The following BRD4 variants were observed in gnomAD, a reference collection of about 807,000 sequenced individuals.
BRD4 encodes bromodomain containing 4, also known as bromodomain-containing protein 4.
In BRD4, 16 loss-of-function variants were observed where a neutral mutation model predicts 142.1. The ratio of observed to expected loss-of-function variants is 0.11; its 90% confidence interval spans 0.08 to 0.17. The LOEUF (loss-of-function observed/expected upper bound fraction) is 0.17, where lower values mean the gene tolerates loss of function less well. Among genes scored for constraint, BRD4 ranks in the 10% least tolerant of loss-of-function variants. The probability of loss-of-function intolerance (pLI) is 1.00; values close to 1 mark genes in which losing one functional copy is unlikely to be tolerated. For missense variants in BRD4, 1,424 were observed against 1,810.9 expected, an observed-to-expected ratio of 0.79 and a Z score of 3.88; for synonymous variants, 833 against 707.5, an observed-to-expected ratio of 1.18 and a Z score of -2.82.
chr19:15,241,013 C>T (rs923127408), intron 14 of BRD4, among the ~76,000 whole-genome samples: 1 of 152,208 alleles, frequency 6.6e-6, no homozygotes, highest in African/African-American at 2.4e-5. Flanking sequence ...TGGAGCAAAC[C>T]ACAATGCCCC....
chr19:15,244,467 G>T lies in BRD4; in HGVS notation c.2345C>A (p.Pro782Gln), dbSNP rs200757175. 3 of 1,545,710 alleles carry T rather than the reference G, an allele frequency of 1.9e-6. No individual in the cohort carries two copies. Among genetic ancestry groups the T allele is most frequent in the South Asian group, 2.3e-5 (2 of 85,160 alleles). The change falls in exon 13 of 20, where the codon CCA becomes CAA. Residue 782 changes from proline to glutamine, a missense_variant. Transcript: ENST00000679869. ...GGCTGCCTGCTGCGGCATGGAGGGT[G>T]GGGGAGGCGGGGGTGGCGGCTGCTG... ...QQQQPPPPPP[P>Q]PSMPQQAAPA... is the part of the protein sequence containing the mutation.
At chr19:15,276,317 T>G (rs760900526) in intron 1 of BRD4, among the ~76,000 whole-genome samples, 1 of 152,196 alleles carries the variant, frequency 6.6e-6, no homozygotes, top group African/African-American at 2.4e-5. Flanking sequence ...AGGCCCAGAT[T>G]TGATATGAGG....
intron 1 of BRD4, among the ~76,000 whole-genome samples, chr19:15,307,252 G>A (rs1031213661): frequency 1.3e-5 from 2 of 152,158 alleles, no homozygotes; most frequent in African/African-American, 2.4e-5. Flanking sequence ...AAGTAAGAGC[G>A]CTGCAGGGTG....
Position 15,256,154 on chromosome 19 carries a change from T to C in BRD4, c.1661A>G (p.Lys554Arg). Residue 554 changes from lysine (K) to arginine (R), a missense_variant, in exon 9 of 20, where the codon AAA becomes AGA. Transcript: ENST00000679869. ...TTTTTTATTCTCTTCCACTTCCTCT[T>C]TCCTTTTGTGCTTTTCTTTTTTCTT... is the stretch of plus-strand genomic sequence containing the variant. ...KEKKKEKHKR[K>R]EEVEENKKSK... 1.9e-6 allele frequency: 3 copies of C among 1,612,296 alleles called. No homozygotes were observed. In the East Asian group the frequency reaches 6.7e-5, roughly 36 times the overall value.
In BRD4 at chr19:15,243,393, T is replaced by C; in HGVS notation, c.2676A>G (p.Pro892=). ...GGAGCAGGGGTGTTTGGGTCAAGGC[T>C]GGTGACACGGCTGGGGGCCGGGCGG... ...PKPARPPAVS[P]ALTQTPLLPQ... The change falls in exon 14 of 20, where the codon CCA becomes CCG. Residue 892 remains proline, a synonymous_variant. Coordinates refer to ENST00000679869, the MANE Select transcript of BRD4 (RefSeq NM_001379291.1). 6.6e-7 allele frequency: 1 copy of C among 1,510,408 alleles called. No individual in the cohort carries two copies. The allele number at this position is 1,510,408 out of a possible 1,614,324, so 93.6% of individuals were successfully genotyped here.
intron 1 of BRD4, among the ~76,000 whole-genome samples, chr19:15,297,634 G>A (rs570748492): frequency 3.7e-4 from 57 of 152,330 alleles, no homozygotes; most frequent in African/African-American, 1.3e-3. Context: ...ACAGCAAGTT[G>A]ACATCTCATC....
chr19:15,323,652 G>A (rs769637830), intron 1 of BRD4, among the ~76,000 whole-genome samples: 67 of 152,170 alleles, frequency 4.4e-4, no homozygotes, highest in Non-Finnish European at 4.9e-4. Flanking sequence ...ACTAATTCAC[G>A]TTTCTGAAAA....
chr19:15,260,982 G>T (rs1257843483), intron 7 of BRD4, among the ~76,000 whole-genome samples: 1 of 152,186 alleles, frequency 6.6e-6, no homozygotes, highest in Non-Finnish European at 1.5e-5. Context: ...GCTCAAAACA[G>T]TCACCTTTGG....
At chr19:15,272,673 A>AACC in intron 2 of BRD4, 142 bp downstream of exon 2, 1 of 718,578 alleles carries the variant, frequency 1.4e-6, no homozygotes, top group Admixed American at 2.9e-5. Flanking sequence ...GAACTGCTGA[A>AACC]ACCACTCACT....
intron 1 of BRD4, among the ~76,000 whole-genome samples, chr19:15,316,723 G>A (rs1486110592): frequency 6.6e-6 from 1 of 152,252 alleles, no homozygotes; most frequent in Non-Finnish European, 1.5e-5. Context: ...AACTCCTCAG[G>A]AGGGAAGCAC....
At chr19:15,291,482 C>A (rs1427796188) in intron 1 of BRD4, among the ~76,000 whole-genome samples, 1 of 152,154 alleles carries the variant, frequency 6.6e-6, no homozygotes, top group Non-Finnish European at 1.5e-5. Context: ...GATGGGATGG[C>A]ACTTTAAAAA....
In BRD4 at chr19:15,265,435, C is replaced by T; in HGVS notation, c.768G>A (p.Gln256=). Residue 256 remains glutamine, a synonymous_variant, in exon 5 of 20, where the codon CAG becomes CAA. Transcript: ENST00000679869. ...PLQTPPPVPP[Q]PQPPPAPAPQ... The stretch of plus-strand genomic sequence containing the variant: ...GAGCTGGAGCGGGTGGGGGTTGTGG[C>T]TGGGGGGGCACTGGCGGGGGCGTCT... The T allele has an allele frequency of 2.8e-6, 4 of 1,452,952 alleles. No homozygotes were observed. The South Asian group carries it at 4.9e-5, about 18-fold the overall frequency. The allele number at this position is 1,452,952 out of a possible 1,614,324, so 90.0% of individuals were successfully genotyped here.
At chr19:15,293,941 T>C (rs1168084426) in intron 1 of BRD4, among the ~76,000 whole-genome samples, 2 of 152,272 alleles carry the variant, frequency 1.3e-5, no homozygotes, top group Non-Finnish European at 2.9e-5. Flanking sequence ...CATAATGTCT[T>C]AAGATTCATC....
intron 11 of BRD4, chr19:15,253,402 C>G (rs1006208863): frequency 7.3e-6 from 5 of 687,750 alleles, no homozygotes; most frequent in Non-Finnish European, 1.2e-5. Flanking sequence ...CACTACCTGC[C>G]TCCACCTCCC....
intron 7 of BRD4, among the ~76,000 whole-genome samples, chr19:15,263,129 G>A (rs1568387307): frequency 1.3e-5 from 2 of 152,232 alleles, no homozygotes; most frequent in Non-Finnish European, 2.9e-5. Context: ...TGAGACAGGT[G>A]TGTTTTGTAG....
chr19:15,278,543 C>CAAAA (rs1235423521), intron 1 of BRD4, among the ~76,000 whole-genome samples: 9 of 74,872 alleles, frequency 1.2e-4, no homozygotes, highest in East Asian at 3.6e-4. Context: ...CAACCCCCGC[C>CAAAA]AAAAAAAAAA....
intron 3 of BRD4, among the ~76,000 whole-genome samples, chr19:15,267,795 G>A (rs2047550489): frequency 6.6e-6 from 1 of 152,124 alleles, no homozygotes; most frequent in South Asian, 2.1e-4. Flanking sequence ...TTTAAGCTCT[G>A]GCCTATCTGA....
chr19:15,261,035 G>A (rs751423625), intron 7 of BRD4, among the ~76,000 whole-genome samples: 1 of 152,212 alleles, frequency 6.6e-6, no homozygotes, highest in Non-Finnish European at 1.5e-5. Context: ...TCCTATGAGA[G>A]TAGATGAAGG....
At chr19:15,327,298 G>C (rs1277852975) in intron 1 of BRD4, among the ~76,000 whole-genome samples, 1 of 152,184 alleles carries the variant, frequency 6.6e-6, no homozygotes, top group African/African-American at 2.4e-5. Context: ...CAGCACTTTG[G>C]AAAGCTAAGG....
Sources: gnomAD v4.1 joint callset for allele counts (sites outside exome capture counted in the v4.1 genomes callset) on GRCh38, gnomAD v4.1.1 for gene constraint, MANE v1.5 for transcripts, NCBI Gene and HGNC (gene_info 2026-07-23, HGNC 2026-07-21) for gene names.